The following LRRIQ1 variants were observed in gnomAD, a reference collection of about 807,000 sequenced individuals.
LRRIQ1 encodes leucine-rich repeat- and IQ domain-containing protein 1.
LRRIQ1 carries 210 observed loss-of-function variants against 211.9 expected under a neutral mutation model. The ratio of observed to expected loss-of-function variants is 0.99; its 90% CI spans 0.89 to 1.11. The LOEUF (loss-of-function observed/expected upper bound fraction) is 1.11, where lower values mean the gene tolerates loss of function less well. Ranked by LOEUF, LRRIQ1 falls within the 50% of genes most tolerant of loss-of-function variation. The probability of loss-of-function intolerance (pLI) is 0.00; values close to 1 mark genes in which losing one functional copy is unlikely to be tolerated. For synonymous variants in LRRIQ1, 699 were observed against 650.1 expected (o/e 1.08, Z -1.14); for missense variants, 2,136 against 1,939.5 (o/e 1.10, Z -1.90).
At chr12:85,142,979 GA>G (rs1292732073) in intron 19 of LRRIQ1, among the ~76,000 whole-genome samples, 1 of 151,538 alleles carries the variant, frequency 6.6e-6, no homozygotes, top group Non-Finnish European at 1.5e-5. Context: ...CCTAGTAGTG[GA>G]ATTGCTGGGT....
intron 19 of LRRIQ1, among the ~76,000 whole-genome samples, chr12:85,141,553 C>CTTTGATATT (rs1480511018): frequency 7.0e-6 from 1 of 143,292 alleles, no homozygotes; most frequent in Non-Finnish European, 1.5e-5. Flanking sequence ...GGGCCATTTC[C>CTTTGATATT]TTTGATATTT....
chr12:85,263,620 A>G (rs564525565), exon 2 of LRRIQ1: 10 of 152,126 alleles, frequency 6.6e-5, no homozygotes, highest in Non-Finnish European at 1.2e-4. Context: ...AAATTAAAAT[A>G]GAAATTTAAG....
intron 25 of LRRIQ1, among the ~76,000 whole-genome samples, chr12:85,230,717 C>A (rs1030851375): frequency 6.6e-6 from 1 of 152,150 alleles, no homozygotes; most frequent in South Asian, 2.1e-4. Flanking sequence ...CTACATATAT[C>A]CACAAAGGAG....
At chr12:85,231,562 GGCT>G (rs1443088220) in intron 25 of LRRIQ1, among the ~76,000 whole-genome samples, 3 of 152,136 alleles carry the variant, frequency 2.0e-5, no homozygotes, top group African/African-American at 7.2e-5. Context: ...TGGTTCTGCA[GGCT>G]GAGTTGTTCA....
chr12:85,129,629 C>T (rs1032492647), intron 18 of LRRIQ1, among the ~76,000 whole-genome samples: 7 of 151,978 alleles, frequency 4.6e-5, no homozygotes, highest in Admixed American at 6.6e-5. Context: ...GAAGAATATT[C>T]GAGGCAAAGG....
intron 24 of LRRIQ1, among the ~76,000 whole-genome samples, chr12:85,173,295 G>A (rs1182801127): frequency 6.6e-6 from 1 of 152,100 alleles, no homozygotes; most frequent in Non-Finnish European, 1.5e-5. Flanking sequence ...AAAACTAAGA[G>A]TAATTGTAGG....
intron 13 of LRRIQ1, among the ~76,000 whole-genome samples, chr12:85,101,499 A>G (rs1185255471): frequency 1.3e-5 from 2 of 151,932 alleles, no homozygotes; most frequent in East Asian, 3.9e-4. Context: ...TGAAATTTAT[A>G]TCTTTTTAAT....
At chr12:85,214,489 A>G (rs1427674978) in intron 24 of LRRIQ1, among the ~76,000 whole-genome samples, 1 of 152,140 alleles carries the variant, frequency 6.6e-6, no homozygotes, top group Non-Finnish European at 1.5e-5. Flanking sequence ...ATATCATGTG[A>G]TATGGTATGA....
chr12:85,262,505 CTATT>C (rs1896327569), intron 1 of LRRIQ1, among the ~76,000 whole-genome samples: 1 of 151,780 alleles, frequency 6.6e-6, no homozygotes, highest in Admixed American at 6.6e-5. Context: ...TTCAACCGGA[CTATT>C]TATAAGACAA....
intron 1 of LRRIQ1, among the ~76,000 whole-genome samples, chr12:85,250,937 TA>T (rs1895916879): frequency 9.5e-6 from 1 of 105,138 alleles, no homozygotes; most frequent in Non-Finnish European, 1.7e-5. Flanking sequence ...ATATATTATA[TA>T]TAATATATTT....
intron 11 of LRRIQ1, among the ~76,000 whole-genome samples, chr12:85,097,527 C>G (rs992937424): frequency 6.6e-6 from 1 of 151,456 alleles, no homozygotes; most frequent in African/African-American, 2.4e-5. Flanking sequence ...TCTGTCCTTG[C>G]GATAGTTTGC....
At chr12:85,132,744 A>G (rs1888858839) in intron 18 of LRRIQ1, among the ~76,000 whole-genome samples, 1 of 151,788 alleles carries the variant, frequency 6.6e-6, no homozygotes, top group Non-Finnish European at 1.5e-5. Context: ...CCTAGGTGAA[A>G]GAGTGAGACC....
chr12:85,183,893 T>G (rs1239228500), intron 24 of LRRIQ1, among the ~76,000 whole-genome samples: 1 of 152,112 alleles, frequency 6.6e-6, no homozygotes, highest in Non-Finnish European at 1.5e-5. Flanking sequence ...ATGTTCTATG[T>G]AGACTTTTCT....
chr12:85,052,055 C>A, intron 6 of LRRIQ1, 122 bp from the exon 7 acceptor site: 2 of 523,922 alleles, frequency 3.8e-6, no homozygotes, highest in Non-Finnish European at 6.6e-6. Flanking sequence ...AAATTGAAAG[C>A]CATTGGTTGG....
Position 85,055,892 on chromosome 12 carries a change from A to G in LRRIQ1, c.1099A>G (p.Lys367Glu). The G allele has an allele frequency of 6.3e-7, 1 of 1,595,390 alleles. No individual in the cohort carries two copies. Among genetic ancestry groups the G allele is most frequent in the Non-Finnish European group, 8.5e-7 (1 of 1,175,002 alleles). The part of the protein sequence containing the change: ...RKRREKEYEE[K>E]KNIVKQEREQ... ...AAGGAGAGAAAAAGAATATGAAGAA[A>G]AAAAGAATATTGTGAAACAGGAAAG... Residue 367 changes from lysine (K) to glutamate (E), a missense_variant, in exon 8 of 27, where the codon AAA (lysine) becomes GAA (glutamate). Transcript: ENST00000393217.
chr12:85,215,794 TA>T (rs1211046436), intron 24 of LRRIQ1, among the ~76,000 whole-genome samples: 1 of 151,542 alleles, frequency 6.6e-6, no homozygotes, highest in African/African-American at 2.4e-5. Context: ...AGTACAGCAA[TA>T]AAAAAAGAAC....
chr12:85,254,425 T>A (rs957855796), intron 1 of LRRIQ1, among the ~76,000 whole-genome samples: 1 of 152,092 alleles, frequency 6.6e-6, no homozygotes, highest in South Asian at 2.1e-4. Flanking sequence ...TAACTGAAAT[T>A]TACAAATAAA....
chr12:85,088,160 A>T (rs1264684187), intron 11 of LRRIQ1, among the ~76,000 whole-genome samples: 1 of 152,200 alleles, frequency 6.6e-6, no homozygotes, highest in Non-Finnish European at 1.5e-5. Context: ...AGCTTTCTAC[A>T]TATGGCTAGT....
intron 3 of LRRIQ1, among the ~76,000 whole-genome samples, chr12:85,041,701 A>T (rs184607168): frequency 1.4e-4 from 22 of 151,998 alleles, no homozygotes; most frequent in Admixed American, 1.4e-3. Context: ...TTCTCAACAT[A>T]TAAAAAATTT....
Sources: gnomAD v4.1 joint callset for allele counts (sites outside exome capture counted in the v4.1 genomes callset) on GRCh38, gnomAD v4.1.1 for gene constraint, MANE v1.5 for transcripts, NCBI Gene and HGNC (gene_info 2026-07-23, HGNC 2026-07-21) for gene names.